VAV3: variants seen among roughly 807,000 people sequenced by gnomAD.
VAV3 encodes the protein vav guanine nucleotide exchange factor 3.
Under a neutral mutation model 131.2 loss-of-function variants are expected in VAV3, and 94 were observed. The ratio of observed to expected loss-of-function variants is 0.72; its 90% confidence interval spans 0.61 to 0.85. VAV3 has a LOEUF of 0.85. Among genes scored for constraint, VAV3 ranks in the 40% least tolerant of loss-of-function variants. The probability of loss-of-function intolerance (pLI) is 0.00; values close to 1 mark genes in which losing one functional copy is unlikely to be tolerated. For missense variants in VAV3, 939 were observed against 1,002.7 expected (o/e 0.94, Z 0.86); for synonymous variants, 349 against 342.0 (o/e 1.02, Z -0.22).
At chr1:107,596,442 T>TA (rs1192824719) in intron 24 of VAV3, 101 bp from the exon 25 acceptor site, 2 of 1,328,004 alleles carry the variant, frequency 1.5e-6, no homozygotes, top group African/African-American at 1.5e-5. Flanking sequence ...ACCAATTTAA[T>TA]GCTAAATTTT....
At chr1:107,626,051 A>T (rs1653997187) in intron 20 of VAV3, among the ~76,000 whole-genome samples, 1 of 152,220 alleles carries the variant, frequency 6.6e-6, no homozygotes, top group African/African-American at 2.4e-5. Flanking sequence ...CATTGTCTGA[A>T]CTTCTACTTA....
intron 15 of VAV3, among the ~76,000 whole-genome samples, chr1:107,716,149 C>G (rs992073142): frequency 1.2e-4 from 19 of 152,288 alleles, no homozygotes; most frequent in Admixed American, 6.5e-4. Context: ...TGTGCAGAAG[C>G]TCAGTATAAA....
chr1:107,924,121 G>A lies in VAV3; in HGVS notation c.204+40545C>T, dbSNP rs564471027. Among the ~76,000 whole-genome samples the A allele has an allele frequency of 7.9e-5, 12 of 152,176 alleles. No homozygotes were observed. The South Asian group carries it at 1.9e-3, about 24-fold the overall frequency. On this transcript the variant is annotated intron_variant, in intron 1 of 26. Coordinates refer to ENST00000370056, the MANE Select transcript of VAV3 (RefSeq NM_006113.5). ...CATGTAATTCCATATTCTGGAGAAG[G>A]GACATGGCCATGGATACAACCTCTT...
chr1:107,779,348 A>G, intron 3 of VAV3, 86 bp downstream of exon 3: 1 of 1,249,896 alleles, frequency 8.0e-7, no homozygotes, highest in Non-Finnish European at 1.1e-6. Context: ...ACCTGTGTGC[A>G]AGATGCTTCA....
intron 1 of VAV3, among the ~76,000 whole-genome samples, chr1:107,888,470 T>A (rs945413875): frequency 3.3e-5 from 5 of 152,164 alleles, no homozygotes; most frequent in African/African-American, 1.2e-4. Flanking sequence ...TTTGTTTGTG[T>A]TGTTGGAGAT....
intron 15 of VAV3, among the ~76,000 whole-genome samples, chr1:107,731,014 C>G (rs1662208343): frequency 6.6e-6 from 1 of 152,156 alleles, no homozygotes; most frequent in Non-Finnish European, 1.5e-5. Flanking sequence ...TCACCAGACT[C>G]TTTAAGAATC....
chr1:107,728,172 A>T (rs928734298), intron 15 of VAV3, among the ~76,000 whole-genome samples: 3 of 152,138 alleles, frequency 2.0e-5, no homozygotes, highest in Admixed American at 2.0e-4. Flanking sequence ...TCTGTCCCAA[A>T]TCCACTGGCT....
chr1:107,733,847 C>T (rs1662419836), intron 15 of VAV3, among the ~76,000 whole-genome samples: 1 of 152,158 alleles, frequency 6.6e-6, no homozygotes, highest in South Asian at 2.1e-4. Context: ...ACGTCCCCAA[C>T]CTAACAAGGC....
intron 2 of VAV3, among the ~76,000 whole-genome samples, chr1:107,833,678 A>G (rs537998239): frequency 6.6e-6 from 1 of 152,300 alleles, no homozygotes; most frequent in South Asian, 2.1e-4. Flanking sequence ...AATCAATTAT[A>G]CAGTGTGTTT....
Position 107,642,699 on chromosome 1 carries a change from G to A in VAV3, c.1834C>T (p.His612Tyr), listed in dbSNP as rs1296898369. The A allele has an allele frequency of 6.2e-7, 1 of 1,613,432 alleles. No individual in the cohort carries two copies. Among genetic ancestry groups the A allele is most frequent in the Non-Finnish European group, 8.5e-7 (1 of 1,179,632 alleles). The change falls in exon 20 of 27, where the codon CAT becomes TAT. Residue 612 changes from histidine to tyrosine, a missense_variant. Coordinates refer to ENST00000370056, the MANE Select transcript of VAV3 (RefSeq NM_006113.5). ...NYSGTPPPAL[H>Y]EGPPLQLQAG... ...TGGAGCTGTAAAGGGGGTCCTTCAT[G>A]CAGAGCTGGGGGTGGTGTTCCAGAA...
chr1:107,605,459 C>A (rs956918313), intron 22 of VAV3, among the ~76,000 whole-genome samples: 11 of 152,176 alleles, frequency 7.2e-5, no homozygotes, highest in African/African-American at 2.7e-4. Context: ...AATGAGAAGG[C>A]CCTCACCAGA....
chr1:107,584,066 T>C (rs1235265422), intron 25 of VAV3, among the ~76,000 whole-genome samples: 1 of 151,998 alleles, frequency 6.6e-6, no homozygotes, highest in Non-Finnish European at 1.5e-5. Flanking sequence ...GAGATATAGA[T>C]CAAAGGAACA....
chr1:107,807,292 A>T (rs1437436936), intron 2 of VAV3, among the ~76,000 whole-genome samples: 1 of 152,216 alleles, frequency 6.6e-6, no homozygotes, highest in African/African-American at 2.4e-5. Flanking sequence ...AAGCCACAGC[A>T]ACTTTCTTTT....
At position 107,764,986 on chromosome 1, in the gene VAV3, G is replaced by A. The variant is rs574469455; in HGVS notation, c.921+90C>T. ...ACATGAAATTATATTTAAAATAATGGGAAATGTACTGCTTCACTGATCATA... is the reference window on the plus strand; with the variant it reads ...ACATGAAATTATATTTAAAATAATGAGAAATGTACTGCTTCACTGATCATA... On this transcript the variant is annotated intron_variant, in intron 9 of 26. Coordinates refer to ENST00000370056, the MANE Select transcript of VAV3 (RefSeq NM_006113.5). 7.8e-5 allele frequency: 58 copies of A among 744,114 alleles called. No individual in the cohort carries two copies. The African/African-American group carries it at 8.6e-4, about 11-fold the overall frequency. 46.1% of individuals were successfully genotyped at this position (744,114 alleles called of 1,614,324 possible). A position where few individuals can be genotyped will look rare whatever the true frequency, so the allele number is the denominator to read the frequency against.
At chr1:107,947,782 T>C (rs1364524982) in intron 1 of VAV3, among the ~76,000 whole-genome samples, 1 of 152,170 alleles carries the variant, frequency 6.6e-6, no homozygotes, top group Non-Finnish European at 1.5e-5. Context: ...TCTAGCATTC[T>C]CATCTAACCA....
intron 1 of VAV3, among the ~76,000 whole-genome samples, chr1:107,881,006 C>T (rs1051875994): frequency 2.6e-5 from 4 of 152,154 alleles, no homozygotes; most frequent in African/African-American, 7.2e-5. Flanking sequence ...GATTTACCAA[C>T]ATTTACATAA....
At chr1:107,687,788 T>G (rs926656909) in intron 18 of VAV3, among the ~76,000 whole-genome samples, 1 of 152,196 alleles carries the variant, frequency 6.6e-6, no homozygotes, top group African/African-American at 2.4e-5. Context: ...TGTATTTTTT[T>G]AAATAACTTT....
At chr1:107,749,717 C>T in intron 13 of VAV3, 123 bp from the exon 14 acceptor site, 2 of 1,075,436 alleles carry the variant, frequency 1.9e-6, no homozygotes, top group Non-Finnish European at 2.6e-6. Flanking sequence ...TAGTATCATA[C>T]ACTGAAAACA....
chr1:107,919,904 A>AACATTAC lies in VAV3; in HGVS notation c.204+44761_204+44762insGTAATGT, dbSNP rs1380634698. On this transcript the variant is annotated intron_variant, in intron 1 of 26. Transcript: ENST00000370056. ...AAAAAACATTACCTTAATAAAGGTA[A>AACATTAC]CTTAAAAAAAATGAAAGAGAAAATT... is the stretch of plus-strand genomic sequence containing the variant. 1.6e-3 allele frequency among the ~76,000 whole-genome samples: 242 copies of AACATTAC among 152,312 alleles called. 2 individuals carry two copies. The Middle Eastern group carries it at 0.027, about 17-fold the overall frequency.
Sources: allele counts gnomAD v4.1 joint callset (sites outside exome capture counted in the v4.1 genomes callset), GRCh38; gene constraint gnomAD v4.1.1; transcripts MANE v1.5; gene names NCBI Gene and HGNC (gene_info 2026-07-23, HGNC 2026-07-21).